LINGO2: variants seen among roughly 807,000 people sequenced by gnomAD.
The protein encoded by LINGO2 is leucine rich repeat and Ig domain containing 2.
In LINGO2, 14 loss-of-function variants were observed where a neutral mutation model predicts 30.6. That is an observed-to-expected ratio of 0.46 (90% CI 0.30 to 0.72). The LOEUF (loss-of-function observed/expected upper bound fraction) is 0.72. Among genes scored for constraint, LINGO2 ranks in the 30% least tolerant of loss-of-function variants. The pLI is 0.07. For missense variants in LINGO2, 729 were observed against 751.7 expected, an observed-to-expected ratio of 0.97 and a Z score of 0.35; for synonymous variants, 317 against 288.5, an observed-to-expected ratio of 1.10 and a Z score of -1.00.
chr9:29,082,623 G>A, the LINGO2 span, among the ~76,000 whole-genome samples: 12 of 152,002 alleles, frequency 7.9e-5, no homozygotes, highest in Admixed American at 6.6e-5. Flanking sequence ...GCAAAAGAAA[G>A]TAGCATCAGA....
At chr9:29,164,854 C>T in the LINGO2 span, among the ~76,000 whole-genome samples, 2 of 152,080 alleles carry the variant, frequency 1.3e-5, no homozygotes, top group African/African-American at 4.8e-5. Context: ...AATATGGCTA[C>T]AGTTAACTCA....
the LINGO2 span, among the ~76,000 whole-genome samples, chr9:28,967,821 C>A: frequency 6.6e-6 from 1 of 152,184 alleles, no homozygotes. Flanking sequence ...TCTTCTCTTT[C>A]ACCTCTAGCA....
chr9:29,054,568 G>C, the LINGO2 span, among the ~76,000 whole-genome samples: 9 of 152,138 alleles, frequency 5.9e-5, no homozygotes, highest in South Asian at 4.2e-4. Flanking sequence ...AGAGAAACAC[G>C]GGCCTCAACT....
At chr9:28,315,427 ACT>A (rs1824807531) in intron 3 of LINGO2, among the ~76,000 whole-genome samples, 1 of 150,698 alleles carries the variant, frequency 6.6e-6, no homozygotes, top group African/African-American at 2.4e-5. Flanking sequence ...AAAATGACAC[ACT>A]CTTGGTCTGA....
At chr9:28,919,677 G>A in the LINGO2 span, among the ~76,000 whole-genome samples, 1 of 152,038 alleles carries the variant, frequency 6.6e-6, no homozygotes, top group Non-Finnish European at 1.5e-5. Context: ...AAGATTATAT[G>A]AGCATACAAG....
the LINGO2 span, among the ~76,000 whole-genome samples, chr9:28,696,381 G>A: frequency 6.6e-6 from 1 of 151,882 alleles, no homozygotes; most frequent in Non-Finnish European, 1.5e-5. Flanking sequence ...ACAGAAGTAA[G>A]ATTTGCAAAA....
intron 1 of LINGO2, among the ~76,000 whole-genome samples, chr9:28,588,631 C>T (rs75049931): frequency 0.071 from 9,796 of 138,356 alleles, 436 homozygotes; most frequent in African/African-American, 0.15. Context: ...ACAAACATGA[C>T]GGTGTGGGCA....
At chr9:28,757,697 G>T in the LINGO2 span, among the ~76,000 whole-genome samples, 2 of 151,900 alleles carry the variant, frequency 1.3e-5, no homozygotes, top group East Asian at 3.9e-4. Context: ...TTGGTTTGCT[G>T]AACAAGGAGC....
intron 4 of LINGO2, among the ~76,000 whole-genome samples, chr9:28,164,934 A>G (rs908260499): frequency 6.6e-6 from 1 of 152,190 alleles, no homozygotes; most frequent in African/African-American, 2.4e-5. Context: ...TCACTGCTCC[A>G]TTAAAATTTT....
the LINGO2 span, among the ~76,000 whole-genome samples, chr9:29,082,276 C>A: frequency 6.6e-6 from 1 of 152,122 alleles, no homozygotes; most frequent in Non-Finnish European, 1.5e-5. Flanking sequence ...AATAATACCA[C>A]ACATCTACAA....
intron 4 of LINGO2, among the ~76,000 whole-genome samples, chr9:28,143,463 C>T (rs549738024): frequency 6.6e-6 from 1 of 152,218 alleles, no homozygotes; most frequent in East Asian, 1.9e-4. Context: ...GATAAAATCA[C>T]ATCTGTCTGT....
chr9:28,424,229 G>C (rs979203428), intron 2 of LINGO2, among the ~76,000 whole-genome samples: 4 of 152,080 alleles, frequency 2.6e-5, no homozygotes, highest in Non-Finnish European at 5.9e-5. Context: ...AACTAGGCTG[G>C]TTTTTCAGCT....
intron 4 of LINGO2, among the ~76,000 whole-genome samples, chr9:28,141,683 G>A (rs376968209): frequency 1.7e-4 from 26 of 152,122 alleles, no homozygotes; most frequent in African/African-American, 5.3e-4. Flanking sequence ...TTGGGAGGCT[G>A]AGGCGGGCGG....
the LINGO2 span, among the ~76,000 whole-genome samples, chr9:28,784,301 A>G: frequency 1.3e-5 from 2 of 152,194 alleles, no homozygotes; most frequent in African/African-American, 4.8e-5. Context: ...GAAATATTAG[A>G]TGGGCATTTT....
At chr9:28,566,363 G>A (rs1823381196) in intron 1 of LINGO2, among the ~76,000 whole-genome samples, 2 of 152,156 alleles carry the variant, frequency 1.3e-5, no homozygotes, top group South Asian at 2.1e-4. Flanking sequence ...AGTTCATACA[G>A]TCAGTAGAAT....
intron 4 of LINGO2, among the ~76,000 whole-genome samples, chr9:28,169,357 C>T (rs775482874): frequency 2.6e-5 from 4 of 152,056 alleles, no homozygotes; most frequent in Non-Finnish European, 5.9e-5. Flanking sequence ...GGATAATATT[C>T]ATTTTTACTG....
chr9:28,066,927 G>A (rs994915548), intron 4 of LINGO2, among the ~76,000 whole-genome samples: 1 of 151,968 alleles, frequency 6.6e-6, no homozygotes, highest in African/African-American at 2.4e-5. Context: ...TCTACTGTGT[G>A]CCTAGTTACA....
chr9:28,668,835 A>G (rs1404098871), intron 1 of LINGO2, among the ~76,000 whole-genome samples: 1 of 152,106 alleles, frequency 6.6e-6, no homozygotes, highest in African/African-American at 2.4e-5. Context: ...CCTATAAATG[A>G]CAGGCAGTTT....
At chr9:28,634,602 C>T (rs1251809354) in intron 1 of LINGO2, among the ~76,000 whole-genome samples, 2 of 151,224 alleles carry the variant, frequency 1.3e-5, no homozygotes, top group African/African-American at 4.9e-5. Flanking sequence ...TCTCGTGCCT[C>T]AGCCTCCCGA....
Sources: allele counts gnomAD v4.1 joint callset (sites outside exome capture counted in the v4.1 genomes callset), GRCh38; gene constraint gnomAD v4.1.1; transcripts MANE v1.5; gene names NCBI Gene and HGNC (gene_info 2026-07-23, HGNC 2026-07-21).